The following WASHC2C variants were observed in gnomAD, a reference collection of about 807,000 sequenced individuals.
The protein encoded by WASHC2C is Vaccinia Penetration Factor.
A neutral mutation model predicts 142.2 loss-of-function variants in WASHC2C; 73 were observed. The observed-to-expected ratio is 0.51, with a 90% CI of 0.43 to 0.62. The LOEUF is 0.62. Ranked by LOEUF, WASHC2C falls within the 20% of genes least tolerant of loss-of-function variation. The pLI is 0.00. For synonymous variants in WASHC2C, 337 were observed against 565.5 expected (o/e 0.60, Z 5.73); for missense variants, 969 against 1,531.7 (o/e 0.63, Z 6.13).
At chr10:45,767,551 A>G (rs1272612446) in intron 19 of WASHC2C, among the ~76,000 whole-genome samples, 1 of 152,290 alleles carries the variant, frequency 6.6e-6, no homozygotes, top group African/African-American at 2.4e-5. Context: ...TGCTCCTACT[A>G]GAGTATTATA....
intron 23 of WASHC2C, among the ~76,000 whole-genome samples, chr10:45,782,328 C>T (rs1554888232): frequency 2.0e-5 from 3 of 149,012 alleles, no homozygotes; most frequent in African/African-American, 7.4e-5. Flanking sequence ...AGAGATTTTA[C>T]TGAAGAAGAT....
chr10:45,768,234 GAAAAAAA>G (rs1169870861), intron 19 of WASHC2C, among the ~76,000 whole-genome samples: 42 of 76,486 alleles, frequency 5.5e-4, no homozygotes, highest in African/African-American at 1.5e-3. Context: ...CTCGAAAAAG[GAAAAAAA>G]AAAAAAAAAA....
At chr10:45,731,924 A>G (rs1476290681) in intron 3 of WASHC2C, among the ~76,000 whole-genome samples, 2 of 150,748 alleles carry the variant, frequency 1.3e-5, no homozygotes, top group African/African-American at 4.9e-5. Flanking sequence ...CCTCCTGAGT[A>G]GCTGGGATGA....
chr10:45,751,964 G>T (rs184383604), intron 11 of WASHC2C, among the ~76,000 whole-genome samples: 11 of 152,304 alleles, frequency 7.2e-5, no homozygotes, highest in African/African-American at 2.6e-4. Context: ...GTGATGGTGC[G>T]AGACTCCATC....
intron 14 of WASHC2C, 121 bp downstream of exon 14, chr10:45,754,666 T>C: frequency 9.9e-7 from 1 of 1,013,448 alleles, no homozygotes; most frequent in East Asian, 2.6e-5. Flanking sequence ...CAAAGGGCTT[T>C]GAGCATCTTA....
At chr10:45,764,898 G>A (rs1327889345) in intron 18 of WASHC2C, among the ~76,000 whole-genome samples, 4 of 151,304 alleles carry the variant, frequency 2.6e-5, no homozygotes, top group Non-Finnish European at 4.4e-5. Context: ...CTACATTACC[G>A]CACTCTCCTT....
intron 5 of WASHC2C, among the ~76,000 whole-genome samples, chr10:45,741,706 C>A (rs1198180490): frequency 6.6e-6 from 1 of 152,084 alleles, no homozygotes; most frequent in African/African-American, 2.4e-5. Flanking sequence ...GATATCATTG[C>A]CAAAGGGCAA....
chr10:45,777,514 A>T, intron 22 of WASHC2C, 89 bp downstream of exon 22: 5 of 1,592,176 alleles, frequency 3.1e-6, no homozygotes, highest in Non-Finnish European at 4.3e-6. Flanking sequence ...TTGACCACAG[A>T]AAATAAATGG....
chr10:45,776,031 C>A (rs1411784338), intron 21 of WASHC2C, among the ~76,000 whole-genome samples: 1 of 152,136 alleles, frequency 6.6e-6, no homozygotes, highest in Non-Finnish European at 1.5e-5. Context: ...TCCACAAAAG[C>A]CTTTTCCTTT....
intron 5 of WASHC2C, among the ~76,000 whole-genome samples, 157 bp from the exon 6 acceptor site, chr10:45,743,233 A>AT (rs1295514638): frequency 4.8e-4 from 72 of 150,906 alleles, no homozygotes; most frequent in African/African-American, 1.6e-3. Context: ...GAAAAAAAGA[A>AT]TTTTTTTTTT....
chr10:45,735,061 C>T (rs1411923353), intron 3 of WASHC2C, among the ~76,000 whole-genome samples: 5 of 150,762 alleles, frequency 3.3e-5, no homozygotes, highest in Non-Finnish European at 5.9e-5. Context: ...CTGCCCTCTG[C>T]TGTTTGTTTT....
intron 27 of WASHC2C, 46 bp from the exon 28 acceptor site, chr10:45,786,989 C>G: frequency 6.2e-7 from 1 of 1,607,104 alleles, no homozygotes; most frequent in Non-Finnish European, 8.5e-7. Flanking sequence ...AGATAATAGA[C>G]TGCTGTGTTG....
chr10:45,749,863 A>ATATT (rs1447802238), intron 8 of WASHC2C, among the ~76,000 whole-genome samples: 15,612 of 108,456 alleles, frequency 0.14, 1,471 homozygotes, highest in East Asian at 0.41. Flanking sequence ...ATATTTATAT[A>ATATT]TATATATATT....
At chr10:45,787,500 T>A (rs1554890822) in intron 28 of WASHC2C, among the ~76,000 whole-genome samples, 1 of 149,488 alleles carries the variant, frequency 6.7e-6, no homozygotes, top group African/African-American at 2.5e-5. Flanking sequence ...CTTTGGCTGG[T>A]GTCTGACACC....
rs569006368 is a variant in WASHC2C, at chr10:45,775,680, A to ATTTTT, written c.2143-1577_2143-1573dup. 3.0e-3 allele frequency among the ~76,000 whole-genome samples: 404 copies of ATTTTT among 132,802 alleles called. 2 individuals are homozygous for ATTTTT. Among genetic ancestry groups the ATTTTT allele is most frequent in the African/African-American group, 6.4e-3 (227 of 35,444 alleles). 87.1% of individuals were successfully genotyped at this position (132,802 alleles called of 152,430 possible). A position where few individuals can be genotyped will look rare whatever the true frequency, so the allele number is the denominator to read the frequency against. ...CTCCCCTATCAACTATTTGCATTGA[A>ATTTTT]TTTTTTTTTTTTTTTTTTTTGAGAC... On this transcript the variant is annotated intron_variant, in intron 21 of 30. Transcript: ENST00000623400.
At chr10:45,787,842 C>T (rs1200909581) in intron 28 of WASHC2C, among the ~76,000 whole-genome samples, 1 of 152,234 alleles carries the variant, frequency 6.6e-6, no homozygotes, top group Non-Finnish European at 1.5e-5. Flanking sequence ...CTGTGCCCTG[C>T]ACTCCCTGCA....
chr10:45,769,230 G>A (rs1296749457), intron 19 of WASHC2C, among the ~76,000 whole-genome samples: 1 of 151,460 alleles, frequency 6.6e-6, no homozygotes, highest in East Asian at 2.0e-4. Context: ...CCATTCTCCT[G>A]CCTCAGCCTC....
chr10:45,742,307 TTTTA>T (rs1335011690), intron 5 of WASHC2C, among the ~76,000 whole-genome samples: 1 of 150,760 alleles, frequency 6.6e-6, no homozygotes, highest in Non-Finnish European at 1.5e-5. Context: ...TTATAATCTT[TTTTA>T]TTTATTTATT....
intron 21 of WASHC2C, 42 bp from the exon 22 acceptor site, chr10:45,777,231 C>T (rs201498446): frequency 0.15 from 211,695 of 1,425,474 alleles, 10,654 homozygotes; most frequent in Admixed American, 0.24. Context: ...GTCAGACACA[C>T]TTTTTTATTG....
Sources: allele counts gnomAD v4.1 joint callset (sites outside exome capture counted in the v4.1 genomes callset), GRCh38; gene constraint gnomAD v4.1.1; transcripts MANE v1.5; gene names NCBI Gene and HGNC (gene_info 2026-07-23, HGNC 2026-07-21).